The following BFSP2 variants were observed in gnomAD, a reference collection of about 807,000 sequenced individuals.
The protein encoded by BFSP2 is phakinin.
A neutral mutation model predicts 44.9 loss-of-function variants in BFSP2; 38 were observed. That is an observed-to-expected ratio of 0.85 (90% confidence interval 0.65 to 1.11). BFSP2 has a LOEUF of 1.11. Among genes scored for constraint, BFSP2 ranks in the 50% least tolerant of loss-of-function variants. The pLI is 0.00. For synonymous variants in BFSP2, 197 were observed against 209.9 expected, an observed-to-expected ratio of 0.94 and a Z score of 0.53; for missense variants, 525 against 533.0, an observed-to-expected ratio of 0.99 and a Z score of 0.15.
chr3:133,468,809 G>A (rs184925851), intron 5 of BFSP2, among the ~76,000 whole-genome samples: 1 of 152,232 alleles, frequency 6.6e-6, no homozygotes, highest in Non-Finnish European at 1.5e-5. Context: ...CATTGAGAAA[G>A]CGATTGTGGA....
chr3:133,468,903 T>C (rs995542411), intron 5 of BFSP2, among the ~76,000 whole-genome samples: 1 of 152,242 alleles, frequency 6.6e-6, no homozygotes, highest in African/African-American at 2.4e-5. Flanking sequence ...GTCATTGAGA[T>C]GATTAATTTG....
rs936350654 is a variant in BFSP2, at chr3:133,469,941, G to A, written c.1024-2404G>A. On this transcript the variant is annotated intron_variant, in intron 5 of 6. Transcript: ENST00000302334. ...AAAACTATAGACAGATGATCCAACC[G>A]TGATTCTGTGAAGCGTGTTCCCAAA... 2.6e-5 allele frequency among the ~76,000 whole-genome samples: 4 copies of A among 152,166 alleles called. No individual in the cohort carries two copies. The East Asian group carries it at 5.8e-4, about 22-fold the overall frequency.
chr3:133,470,619 T>C (rs539797411), intron 5 of BFSP2, among the ~76,000 whole-genome samples: 5 of 152,258 alleles, frequency 3.3e-5, no homozygotes, highest in Admixed American at 6.5e-5. Flanking sequence ...TCCAGTCTAA[T>C]GGGGAGACAT....
At chr3:133,461,523 T>C (rs1398054434) in intron 4 of BFSP2, among the ~76,000 whole-genome samples, 1 of 152,054 alleles carries the variant, frequency 6.6e-6, no homozygotes, top group African/African-American at 2.4e-5. Context: ...CACCTTCCTA[T>C]CCTCAGGGGC....
At chr3:133,454,672 C>G (rs2073997187) in intron 4 of BFSP2, among the ~76,000 whole-genome samples, 1 of 152,112 alleles carries the variant, frequency 6.6e-6, no homozygotes, top group African/African-American at 2.4e-5. Flanking sequence ...ATATTTTTGC[C>G]AGCTTATTAT....
intron 1 of BFSP2, among the ~76,000 whole-genome samples, chr3:133,406,379 GC>G (rs1400302675): frequency 6.6e-6 from 1 of 152,196 alleles, no homozygotes; most frequent in Non-Finnish European, 1.5e-5. Context: ...CTCTTTCCAT[GC>G]CCCTCTCATA....
intron 1 of BFSP2, among the ~76,000 whole-genome samples, chr3:133,418,913 CT>C (rs1178965112): frequency 6.6e-6 from 1 of 152,156 alleles, no homozygotes; most frequent in Admixed American, 6.5e-5. Flanking sequence ...ACGGGGCTAC[CT>C]AGGAAGATGG....
intron 1 of BFSP2, among the ~76,000 whole-genome samples, chr3:133,433,311 C>T (rs1175043322): frequency 1.3e-5 from 2 of 152,222 alleles, no homozygotes; most frequent in Non-Finnish European, 1.5e-5. Flanking sequence ...CCAGCAAAGG[C>T]AGGCTATGCT....
chr3:133,400,156 G>A lies in BFSP2; in HGVS notation c.73G>A (p.Ala25Thr). The A allele has an allele frequency of 1.2e-6, 2 of 1,614,144 alleles. No homozygotes were observed. Among genetic ancestry groups the A allele is most frequent in the Non-Finnish European group, 1.7e-6 (2 of 1,180,028 alleles). ...SSSMPLQRRR[A>T]SFRGPRSSSS... is the part of the protein sequence containing the mutation. ...CAGCATGCCCCTCCAGAGGCGCAGG[G>A]CGTCCTTCAGGGGGCCACGGTCATC... The change falls in exon 1 of 7, where the codon GCG (alanine) becomes ACG (threonine). Residue 25 changes from alanine to threonine, a missense_variant. Coordinates refer to ENST00000302334, the MANE Select transcript of BFSP2 (RefSeq NM_003571.4). This position sits in a 1 kb window ranked among gnomAD's most constrained non-coding sequence, Gnocchi z 4.0.
intron 1 of BFSP2, among the ~76,000 whole-genome samples, chr3:133,446,986 T>G (rs1422770956): frequency 6.6e-6 from 1 of 152,030 alleles, no homozygotes; most frequent in Non-Finnish European, 1.5e-5. Flanking sequence ...CCAGTGAAAC[T>G]TCATCTAAGG....
Position 133,430,192 on chromosome 3 carries a change from T to G in BFSP2, c.490-17125T>G, listed in dbSNP as rs553314196. Among the ~76,000 whole-genome samples the G allele has an allele frequency of 4.9e-4, 74 of 152,252 alleles. No homozygotes were observed. In the East Asian group the frequency reaches 7.9e-3, roughly 16 times the overall value. ...TGGGTTGGTTCCAAGTCTTTGCTAT[T>G]GTGAATAGTGCCGTAATAAACATAC... is the stretch of plus-strand genomic sequence containing the variant. On this transcript the variant is annotated intron_variant, in intron 1 of 6. Transcript: ENST00000302334.
At chr3:133,405,199 G>A (rs190189878) in intron 1 of BFSP2, among the ~76,000 whole-genome samples, 1 of 152,196 alleles carries the variant, frequency 6.6e-6, no homozygotes, top group Admixed American at 6.5e-5. Flanking sequence ...GAGGAAGAAA[G>A]GGGAGCGCAG....
chr3:133,403,549 T>C (rs2073379404), intron 1 of BFSP2, among the ~76,000 whole-genome samples: 1 of 152,170 alleles, frequency 6.6e-6, no homozygotes. Context: ...AAGAGAGACC[T>C]CAGTCACTCA....
intron 1 of BFSP2, among the ~76,000 whole-genome samples, chr3:133,409,114 A>G (rs76659418): frequency 0.045 from 6,860 of 152,362 alleles, 193 homozygotes; most frequent in Non-Finnish European, 0.063. Flanking sequence ...TTTAAACCAC[A>G]GGAATTTAAC....
At chr3:133,424,258 T>C (rs1326141575) in intron 1 of BFSP2, among the ~76,000 whole-genome samples, 2 of 58,460 alleles carry the variant, frequency 3.4e-5, no homozygotes, top group Non-Finnish European at 8.0e-5. Flanking sequence ...TTAGTAGAGA[T>C]GGAGTTTCGC....
intron 1 of BFSP2, among the ~76,000 whole-genome samples, chr3:133,417,324 C>G (rs1211555794): frequency 2.9e-5 from 4 of 139,676 alleles, no homozygotes; most frequent in Non-Finnish European, 3.1e-5. Flanking sequence ...CTACTCGGCC[C>G]TGCCATCTCC....
At chr3:133,402,314 C>T (rs758247279) in intron 1 of BFSP2, among the ~76,000 whole-genome samples, 1 of 152,342 alleles carries the variant, frequency 6.6e-6, no homozygotes, top group South Asian at 2.1e-4. Context: ...AACTTACTAA[C>T]TTCTCTGGGC....
intron 1 of BFSP2, among the ~76,000 whole-genome samples, chr3:133,408,595 A>G (rs2073423495): frequency 6.6e-6 from 1 of 152,252 alleles, no homozygotes; most frequent in African/African-American, 2.4e-5. Context: ...TATCTGTAAT[A>G]CCAAAATACT....
chr3:133,454,443 A>G (rs1361984596), intron 4 of BFSP2, among the ~76,000 whole-genome samples: 2 of 152,162 alleles, frequency 1.3e-5, no homozygotes, highest in African/African-American at 4.8e-5. Flanking sequence ...AGTGTCCTAT[A>G]ATTCAATTCA....
Sources: gnomAD v4.1 joint callset for allele counts (sites outside exome capture counted in the v4.1 genomes callset) on GRCh38, gnomAD v4.1.1 for gene constraint, Gnocchi (gnomAD v3.1) non-coding constraint, MANE v1.5 for transcripts, NCBI Gene and HGNC (gene_info 2026-07-23, HGNC 2026-07-21) for gene names.